XPA: variants seen among roughly 807,000 people sequenced by gnomAD.
The protein encoded by XPA is DNA repair protein complementing XP-A cells.
XPA carries 27 observed loss-of-function variants against 35.7 expected under a neutral mutation model. That is an observed-to-expected ratio of 0.76 (90% CI 0.56 to 1.04). The LOEUF is 1.04. Among genes scored for constraint, XPA ranks in the 50% least tolerant of loss-of-function variants. The pLI is 0.00. For missense variants in XPA, 354 were observed against 342.7 expected (o/e 1.03, Z -0.26); for synonymous variants, 133 against 118.4 (o/e 1.12, Z -0.80).
the XPA span, among the ~76,000 whole-genome samples, chr9:97,657,693 C>G: frequency 6.6e-6 from 1 of 152,078 alleles, no homozygotes; most frequent in Non-Finnish European, 1.5e-5. Context: ...TTTTCTCATT[C>G]CATTATTTTT....
intron 5 of XPA, 196 bp from the exon 6 acceptor site, chr9:97,675,783 G>A: frequency 1.5e-6 from 1 of 658,506 alleles, no homozygotes; most frequent in Non-Finnish European, 2.6e-6. Flanking sequence ...CACTAGTTCG[G>A]CCTGTGAATC....
chr9:97,657,885 G>GCGCTCTCTCT, the XPA span, among the ~76,000 whole-genome samples: 2 of 114,024 alleles, frequency 1.8e-5, no homozygotes, highest in African/African-American at 7.3e-5. Context: ...GCCCCGGTAA[G>GCGCTCTCTCT]CTCTCTCTCT....
intron 5 of XPA, chr9:97,682,314 CCT>C (rs774559947): frequency 1.9e-6 from 1 of 518,862 alleles, no homozygotes; most frequent in East Asian, 5.5e-5. Context: ...TGCTTTTATT[CCT>C]CTCTGTTCTG....
At chr9:97,671,837 T>G (rs1393375198), downstream of XPA, 1 of 152,234 alleles carries the variant, frequency 6.6e-6, no homozygotes, top group Non-Finnish European at 1.5e-5. Flanking sequence ...TCTTTCAAGT[T>G]ATTTTGAAAT....
Position 97,684,944 on chromosome 9 carries a change from T to A in XPA, c.652A>T (p.Lys218Ter). 1 of 1,613,618 alleles carries A rather than the reference T, an allele frequency of 6.2e-7. No individual in the cohort carries two copies. The highest frequency in any genetic ancestry group is 8.5e-7 in the Non-Finnish European group (1 of 1,179,678). The change falls in exon 5 of 6, where the codon AAA (lysine) becomes TAA (stop). Residue 218 changes from lysine (K) to a stop codon, truncating the protein, a stop_gained. Coordinates refer to ENST00000375128, the MANE Select transcript of XPA (RefSeq NM_000380.4). LOFTEE classifies it high-confidence loss of function. ...CTACCTTTTACTTTTTTATCAAATT[T>A]CTTCTGTTTCATTTTTTCTCGGTTT... ...QENREKMKQK[K>*]FDKKVKELRR...
the XPA span, chr9:97,662,296 C>T: frequency 1.7e-6 from 1 of 598,088 alleles, no homozygotes. Context: ...TAGCTGAAAT[C>T]CATATCCTAA....
At chr9:97,664,351 A>G in the XPA span, 1 of 1,607,104 alleles carries the variant, frequency 6.2e-7, no homozygotes, top group Middle Eastern at 1.7e-4. Context: ...TGATTGCTGT[A>G]CTAGTGGATA....
At chr9:97,681,522 T>G (rs1828539202) in intron 5 of XPA, among the ~76,000 whole-genome samples, 1 of 152,136 alleles carries the variant, frequency 6.6e-6, no homozygotes, top group Non-Finnish European at 1.5e-5. Flanking sequence ...GGAAAGTACA[T>G]AGTAATAAAT....
At chr9:97,687,804 G>A (rs2131397555) in intron 3 of XPA, among the ~76,000 whole-genome samples, 1 of 152,332 alleles carries the variant, frequency 6.6e-6, no homozygotes, top group East Asian at 1.9e-4. Flanking sequence ...GCAGCAGTGG[G>A]AGAGGATGAG....
chr9:97,655,894 T>G, the XPA span: 1 of 1,324,862 alleles, frequency 7.5e-7, no homozygotes, highest in Non-Finnish European at 1.1e-6. Flanking sequence ...TAGTTACAAG[T>G]GCAATTATAA....
the XPA span, among the ~76,000 whole-genome samples, chr9:97,667,435 A>G: frequency 6.6e-6 from 1 of 152,202 alleles, no homozygotes; most frequent in Non-Finnish European, 1.5e-5. Flanking sequence ...AGTTGAGTTT[A>G]GTGCCCTATA....
chr9:97,676,969 T>C (rs1173001552), intron 5 of XPA, among the ~76,000 whole-genome samples: 1 of 152,168 alleles, frequency 6.6e-6, no homozygotes, highest in Non-Finnish European at 1.5e-5. Flanking sequence ...TAGGATATTT[T>C]CTAAATAAAA....
chr9:97,679,056 G>C (rs906026086), intron 5 of XPA, among the ~76,000 whole-genome samples: 4 of 152,120 alleles, frequency 2.6e-5, no homozygotes, highest in Non-Finnish European at 5.9e-5. Context: ...TTACTAAAAA[G>C]AACATTAGAT....
At chr9:97,666,901 G>A in the XPA span, 35 of 1,472,470 alleles carry the variant, frequency 2.4e-5, 1 homozygote, top group Middle Eastern at 2.6e-3. Flanking sequence ...AAACTTGTAA[G>A]TAGTTAAAGA....
In XPA at chr9:97,687,255, A is replaced by G. The variant is rs1587746322; in HGVS notation, c.396T>C (p.Ala132=). The G allele has an allele frequency of 6.2e-7, 1 of 1,605,178 alleles. No homozygotes were observed. Among genetic ancestry groups the G allele is most frequent in the Non-Finnish European group, 8.5e-7 (1 of 1,176,130 alleles). Residue 132 remains alanine (A), a synonymous_variant, in exon 4 of 6, where the codon GCT becomes GCC. Transcript: ENST00000375128. ...DLPTCDNCRD[A]DDKHKLITKT... ...TGGTTATAAGCTTGTGTTTATCATC[A>G]GCATCTCTGAAAACAGATTAAGTCC... is the stretch of plus-strand genomic sequence containing the variant.
At position 97,676,854 on chromosome 9, in the gene XPA, A is replaced by G. The variant is rs546068824; in HGVS notation, c.674-1267T>C. Among the ~76,000 whole-genome samples the G allele has an allele frequency of 1.4e-4, 22 of 152,312 alleles. No homozygotes were observed. In the South Asian group the frequency reaches 2.5e-3, roughly 17 times the overall value. ...ATAGTTTTTGGTCTGGAAGAAAAAA[A>G]TGTTCATCCAAACTCTTCATTTCTT... On this transcript the variant is annotated intron_variant, in intron 5 of 5. Coordinates refer to ENST00000375128, the MANE Select transcript of XPA (RefSeq NM_000380.4).
Position 97,675,571 on chromosome 9 carries a change from T to TAA in XPA, c.689_690insTT (p.Arg231Ter). 1 of 1,614,034 alleles carries TAA rather than the reference T, an allele frequency of 6.2e-7. No individual in the cohort carries two copies. The highest frequency in any genetic ancestry group is 8.5e-7 in the Non-Finnish European group (1 of 1,179,946). ...TCTCCCTTTTCCACACGCTGCTTCT[T>TAA]ACTGCTCGCCGCAATTCTGAAAAAA... On this transcript the variant is annotated frameshift_variant, in exon 6 of 6. Coordinates refer to ENST00000375128, the MANE Select transcript of XPA (RefSeq NM_000380.4). LOFTEE classifies it high-confidence loss of function.
chr9:97,691,316 T>C (rs940095135), intron 2 of XPA, among the ~76,000 whole-genome samples: 2 of 152,200 alleles, frequency 1.3e-5, no homozygotes, highest in African/African-American at 4.8e-5. Flanking sequence ...AAAACCACTC[T>C]AGGTAAGGTA....
intron 4 of XPA, 49 bp downstream of exon 4, chr9:97,687,047 A>G (rs1828739090): frequency 6.4e-7 from 1 of 1,567,324 alleles, no homozygotes; most frequent in Non-Finnish European, 8.6e-7. Context: ...CTAGTTTGTT[A>G]TTAAGAATTT....
Sources: allele counts gnomAD v4.1 joint callset (sites outside exome capture counted in the v4.1 genomes callset), GRCh38; gene constraint gnomAD v4.1.1; transcripts MANE v1.5; gene names NCBI Gene and HGNC (gene_info 2026-07-23, HGNC 2026-07-21).